HYCC1: variants seen among roughly 807,000 people sequenced by gnomAD.
HYCC1 encodes hyccin.
the HYCC1 span, among the ~76,000 whole-genome samples, chr7:22,952,572 T>C: frequency 2.6e-5 from 4 of 151,994 alleles, no homozygotes; most frequent in Non-Finnish European, 2.9e-5. Context: ...ACATATGCCA[T>C]AGCACGAAGT....
chr7:23,003,151 G>T, the HYCC1 span, among the ~76,000 whole-genome samples: 1 of 152,072 alleles, frequency 6.6e-6, no homozygotes, highest in Non-Finnish European at 1.5e-5. Flanking sequence ...ACACAATGCA[G>T]CCCATAATAC....
At chr7:22,929,256 A>G in the HYCC1 span, among the ~76,000 whole-genome samples, 4 of 152,366 alleles carry the variant, frequency 2.6e-5, no homozygotes, top group East Asian at 5.8e-4. Flanking sequence ...AAACCTAGGC[A>G]ATACCATTCA....
chr7:22,970,821 C>T, the HYCC1 span, among the ~76,000 whole-genome samples: 10 of 152,154 alleles, frequency 6.6e-5, no homozygotes, highest in East Asian at 1.9e-3. Flanking sequence ...AAGCTATATG[C>T]CACATGAATG....
the HYCC1 span, among the ~76,000 whole-genome samples, chr7:22,979,531 G>A: frequency 1.3e-5 from 2 of 152,180 alleles, no homozygotes; most frequent in East Asian, 1.9e-4. Context: ...GGGGATAGAG[G>A]TGGCTGGAAG....
the HYCC1 span, chr7:22,940,278 G>T: frequency 9.5e-6 from 1 of 105,800 alleles, no homozygotes; most frequent in Non-Finnish European, 1.7e-5. Flanking sequence ...TTGAGATAGA[G>T]TCTCACTCTG....
the HYCC1 span, among the ~76,000 whole-genome samples, chr7:22,908,421 CT>C: frequency 6.6e-6 from 1 of 152,164 alleles, no homozygotes; most frequent in Non-Finnish European, 1.5e-5. Context: ...TTTGGCATTT[CT>C]TTTGCTTGTG....
chr7:22,968,164 T>C, the HYCC1 span, among the ~76,000 whole-genome samples: 15 of 152,248 alleles, frequency 9.9e-5, no homozygotes, highest in Non-Finnish European at 1.8e-4. Context: ...ACAGACTACA[T>C]TTTCTAGCTT....
the HYCC1 span, among the ~76,000 whole-genome samples, chr7:23,013,344 A>G: frequency 6.6e-6 from 1 of 152,202 alleles, no homozygotes; most frequent in African/African-American, 2.4e-5. Flanking sequence ...CCTGCAGGGG[A>G]CCAAAGACCG....
the HYCC1 span, among the ~76,000 whole-genome samples, chr7:22,973,787 G>C: frequency 6.6e-6 from 1 of 151,974 alleles, no homozygotes; most frequent in Admixed American, 6.5e-5. Flanking sequence ...GGTAAAATTG[G>C]TATATTAGCA....
At chr7:23,013,184 T>C in the HYCC1 span, among the ~76,000 whole-genome samples, 1 of 152,132 alleles carries the variant, frequency 6.6e-6, no homozygotes, top group African/African-American at 2.4e-5. Context: ...AATGCAACCA[T>C]TTTCAGCCAA....
chr7:23,013,627 A>G, the HYCC1 span, among the ~76,000 whole-genome samples: 1 of 152,098 alleles, frequency 6.6e-6, no homozygotes, highest in Non-Finnish European at 1.5e-5. Flanking sequence ...GAAAGACCCG[A>G]GTCGCGCGCA....
the HYCC1 span, among the ~76,000 whole-genome samples, chr7:22,924,451 G>A: frequency 6.6e-6 from 1 of 152,220 alleles, no homozygotes; most frequent in African/African-American, 2.4e-5. Context: ...AGGGGTGACA[G>A]ACGGTACCTG....
the HYCC1 span, among the ~76,000 whole-genome samples, chr7:22,902,481 A>G: frequency 6.6e-6 from 1 of 152,254 alleles, no homozygotes; most frequent in East Asian, 1.9e-4. Context: ...CTTTGAAAAT[A>G]TTACCAACAA....
the HYCC1 span, among the ~76,000 whole-genome samples, chr7:22,929,103 T>C: frequency 6.6e-6 from 1 of 152,194 alleles, no homozygotes; most frequent in Non-Finnish European, 1.5e-5. Context: ...GGATTCCCTA[T>C]TTAATAAATG....
chr7:22,977,844 C>T, the HYCC1 span, among the ~76,000 whole-genome samples: 2 of 151,894 alleles, frequency 1.3e-5, no homozygotes, highest in African/African-American at 4.8e-5. Flanking sequence ...TAATGCAAGC[C>T]GTATGTTAAA....
At chr7:22,967,420 A>G in the HYCC1 span, among the ~76,000 whole-genome samples, 1 of 152,230 alleles carries the variant, frequency 6.6e-6, no homozygotes, top group Non-Finnish European at 1.5e-5. Flanking sequence ...GACTGTGGAT[A>G]TTTTAGCAGG....
chr7:22,916,012 C>T, the HYCC1 span, among the ~76,000 whole-genome samples: 44 of 152,106 alleles, frequency 2.9e-4, no homozygotes, highest in African/African-American at 1.0e-3. Flanking sequence ...GTATGGGACA[C>T]TTTTACTCCT....
chr7:22,960,373 T>C, the HYCC1 span: 1 of 1,613,622 alleles, frequency 6.2e-7, no homozygotes, highest in Non-Finnish European at 8.5e-7. Flanking sequence ...TTATTAGATT[T>C]CATGGGACCA....
At chr7:22,991,865 C>T in the HYCC1 span, among the ~76,000 whole-genome samples, 1 of 152,070 alleles carries the variant, frequency 6.6e-6, no homozygotes, top group Non-Finnish European at 1.5e-5. Flanking sequence ...TTCCTAACTT[C>T]CAAATTCAGT....
Sources: gnomAD v4.1 joint callset for allele counts (sites outside exome capture counted in the v4.1 genomes callset) on GRCh38, gnomAD v4.1.1 for gene constraint, MANE v1.5 for transcripts, NCBI Gene and HGNC (gene_info 2026-07-23, HGNC 2026-07-21) for gene names.